Variants in SUCLG2 observed in about 807,000 individuals in gnomAD.
SUCLG2 encodes succinate-CoA ligase GDP-forming subunit beta.
Under a neutral mutation model 47.9 loss-of-function variants are expected in SUCLG2, and 42 were observed. The observed-to-expected ratio is 0.88, with a 90% CI of 0.69 to 1.14. SUCLG2 has a LOEUF of 1.14. Among genes scored for constraint, SUCLG2 ranks in the 50% most tolerant of loss-of-function variants. The pLI is 0.00. For missense variants in SUCLG2, 571 were observed against 525.9 expected (o/e 1.09, Z -0.84); for synonymous variants, 195 against 197.3 (o/e 0.99, Z 0.10).
intron 2 of SUCLG2, among the ~76,000 whole-genome samples, chr3:67,537,634 A>T (rs1706583080): frequency 1.3e-5 from 2 of 152,224 alleles, no homozygotes; most frequent in Non-Finnish European, 2.9e-5. Context: ...TAGATCCTTG[A>T]GGAATCGCCA....
intron 9 of SUCLG2, among the ~76,000 whole-genome samples, chr3:67,494,415 A>C (rs1441214970): frequency 6.6e-6 from 1 of 152,126 alleles, no homozygotes; most frequent in Admixed American, 6.5e-5. Flanking sequence ...TAGGAGGATC[A>C]CTTGAGGTCA....
chr3:67,653,603 G>T (rs1340823676), intron 1 of SUCLG2, among the ~76,000 whole-genome samples: 2 of 152,150 alleles, frequency 1.3e-5, no homozygotes, highest in Admixed American at 1.3e-4. Flanking sequence ...ATTAAAAATG[G>T]GGAAATAGGC....
At chr3:67,435,705 TAAGA>T (rs1158723835) in intron 9 of SUCLG2, among the ~76,000 whole-genome samples, 2 of 152,208 alleles carry the variant, frequency 1.3e-5, no homozygotes, top group African/African-American at 2.4e-5. Flanking sequence ...GATTTTCTAT[TAAGA>T]AAGATGGGCC....
intron 1 of SUCLG2, among the ~76,000 whole-genome samples, chr3:67,616,077 C>T (rs1700623063): frequency 6.6e-6 from 1 of 151,890 alleles, no homozygotes; most frequent in Non-Finnish European, 1.5e-5. Context: ...CATGTGCAAC[C>T]CTCCAGAGCC....
chr3:67,456,513 A>G (rs978396398), intron 9 of SUCLG2, among the ~76,000 whole-genome samples: 2 of 152,224 alleles, frequency 1.3e-5, no homozygotes, highest in African/African-American at 2.4e-5. Flanking sequence ...TAATAGGAAC[A>G]GAGTTGCCCT....
intron 9 of SUCLG2, among the ~76,000 whole-genome samples, chr3:67,443,159 C>T (rs139727387): frequency 1.3e-5 from 2 of 152,050 alleles, no homozygotes; most frequent in African/African-American, 2.4e-5. Flanking sequence ...GAGGATGTGT[C>T]TAGGTTATAT....
At chr3:67,604,085 TA>T (rs1184957523) in intron 2 of SUCLG2, among the ~76,000 whole-genome samples, 2 of 152,190 alleles carry the variant, frequency 1.3e-5, no homozygotes, top group African/African-American at 4.8e-5. Context: ...CTCTCAGACA[TA>T]AATCCATTTT....
chr3:67,636,495 G>A (rs1349559426), intron 1 of SUCLG2, among the ~76,000 whole-genome samples: 1 of 151,922 alleles, frequency 6.6e-6, no homozygotes, highest in Non-Finnish European at 1.5e-5. Flanking sequence ...TGGGACTACA[G>A]GCGCCCGCCA....
At chr3:67,391,194 T>G (rs747594493) in intron 10 of SUCLG2, among the ~76,000 whole-genome samples, 3 of 152,214 alleles carry the variant, frequency 2.0e-5, no homozygotes, top group Non-Finnish European at 4.4e-5. Flanking sequence ...TTCCCTAAAC[T>G]TTCTCTAAAG....
chr3:67,404,131 GC>G (rs1168850300), intron 9 of SUCLG2, among the ~76,000 whole-genome samples: 11 of 152,130 alleles, frequency 7.2e-5, no homozygotes, highest in Admixed American at 7.2e-4. Context: ...TGATCCTCCT[GC>G]CTTGGCCTCC....
chr3:67,434,078 C>A (rs982807496), intron 9 of SUCLG2, among the ~76,000 whole-genome samples: 1 of 152,106 alleles, frequency 6.6e-6, no homozygotes, highest in Non-Finnish European at 1.5e-5. Flanking sequence ...ATCTTGCAAC[C>A]CCAAATCACT....
rs770777150 is a variant in SUCLG2, at chr3:67,571,583, CACAGAATTATTT to C, written c.226+37860_226+37871del. On this transcript the variant is annotated intron_variant, in intron 2 of 10. Transcript: ENST00000307227. ...AATGAAACTAAAATAGCATGTATTCCACAGAATTATTTACAGAAGAAATAAGACCATATATTA... is the reference window on the plus strand; with the variant it reads ...AATGAAACTAAAATAGCATGTATTCCACAGAAGAAATAAGACCATATATTA... Among the ~76,000 whole-genome samples the C allele has an allele frequency of 8.6e-4, 130 of 151,952 alleles. No homozygotes were observed. In the Middle Eastern group the frequency reaches 0.01, roughly 12 times the overall value.
intron 9 of SUCLG2, among the ~76,000 whole-genome samples, chr3:67,404,421 G>A (rs1473804479): frequency 6.8e-6 from 1 of 146,850 alleles, no homozygotes; most frequent in East Asian, 2.0e-4. Flanking sequence ...GAGAGAGAAA[G>A]TGCAAAAAGG....
chr3:67,566,833 G>C (rs1418288060), intron 2 of SUCLG2, among the ~76,000 whole-genome samples: 1 of 152,114 alleles, frequency 6.6e-6, no homozygotes, highest in Non-Finnish European at 1.5e-5. Context: ...TATAATTATA[G>C]ATTCCTTCCA....
chr3:67,482,943 G>C (rs1390881664), intron 9 of SUCLG2, among the ~76,000 whole-genome samples: 1 of 152,138 alleles, frequency 6.6e-6, no homozygotes, highest in East Asian at 1.9e-4. Flanking sequence ...TGAGAAAAAA[G>C]GATGTGTCCA....
intron 9 of SUCLG2, among the ~76,000 whole-genome samples, chr3:67,484,514 A>G (rs948830644): frequency 2.6e-5 from 4 of 152,236 alleles, no homozygotes; most frequent in East Asian, 1.9e-4. Flanking sequence ...AATGAAGTAT[A>G]CAATAGTTGC....
At chr3:67,448,338 T>A (rs933032886) in intron 9 of SUCLG2, among the ~76,000 whole-genome samples, 1 of 152,178 alleles carries the variant, frequency 6.6e-6, no homozygotes, top group African/African-American at 2.4e-5. Flanking sequence ...ATATGATGGG[T>A]CCATTTATTT....
chr3:67,500,250 C>T (rs570066027), intron 7 of SUCLG2, among the ~76,000 whole-genome samples: 1 of 136,756 alleles, frequency 7.3e-6, no homozygotes, highest in South Asian at 2.3e-4. Flanking sequence ...GGCATCTTGG[C>T]GTTAGAGACC....
At chr3:67,651,401 C>T (rs936441828) in intron 1 of SUCLG2, among the ~76,000 whole-genome samples, 2 of 152,190 alleles carry the variant, frequency 1.3e-5, no homozygotes, top group African/African-American at 4.8e-5. Flanking sequence ...CTCTGCCTAA[C>T]ACACTCTTCC....
Sources: gnomAD v4.1 joint callset for allele counts (sites outside exome capture counted in the v4.1 genomes callset) on GRCh38, gnomAD v4.1.1 for gene constraint, MANE v1.5 for transcripts, NCBI Gene and HGNC (gene_info 2026-07-23, HGNC 2026-07-21) for gene names.